ARAP2: variants seen among roughly 807,000 people sequenced by gnomAD.
The protein encoded by ARAP2 is ArfGAP with RhoGAP domain, ankyrin repeat and PH domain 2, also known as arf-GAP with Rho-GAP domain, ANK repeat and PH domain-containing protein 2.
In ARAP2, 148 loss-of-function variants were observed where a neutral mutation model predicts 194.5. The observed-to-expected ratio is 0.76, with a 90% CI of 0.67 to 0.87. ARAP2 has a LOEUF of 0.87. Among genes scored for constraint, ARAP2 ranks in the 40% least tolerant of loss-of-function variants. ARAP2 has a pLI of 0.00. For synonymous variants in ARAP2, 695 were observed against 683.5 expected, an observed-to-expected ratio of 1.02 and a Z score of -0.26; for missense variants, 2,128 against 1,989.7, an observed-to-expected ratio of 1.07 and a Z score of -1.32.
At chr4:36,031,666 C>CTTTTTTTTTTTTTTTTTTTTTT (rs67436021) in intron 5 of ARAP2, among the ~76,000 whole-genome samples, 1 of 146,228 alleles carries the variant, frequency 6.8e-6, no homozygotes. Flanking sequence ...GATTTAAAAT[C>CTTTTTTTTTTTTTTTTTTTTTT]TTTTTTTTTT....
intron 6 of ARAP2, among the ~76,000 whole-genome samples, chr4:36,196,668 C>A (rs11096801): frequency 0.9 from 136,590 of 152,076 alleles, 61,464 homozygotes; most frequent in East Asian, 1. Flanking sequence ...GATGAAAGAA[C>A]ATGAAAGAAC....
At chr4:36,054,721 T>C (rs1723215306) in intron 2 of ARAP2, among the ~76,000 whole-genome samples, 1 of 152,132 alleles carries the variant, frequency 6.6e-6, no homozygotes, top group Non-Finnish European at 1.5e-5. Flanking sequence ...ACAAAAAATA[T>C]TACATCATTA....
At chr4:36,124,160 T>C (rs1723330081) in intron 22 of ARAP2, among the ~76,000 whole-genome samples, 1 of 151,872 alleles carries the variant, frequency 6.6e-6, no homozygotes, top group Non-Finnish European at 1.5e-5. Context: ...GAAACATTTC[T>C]AAATTGAGAC....
At chr4:36,089,594 C>T (rs2109376982) in intron 28 of ARAP2, among the ~76,000 whole-genome samples, 2 of 152,174 alleles carry the variant, frequency 1.3e-5, no homozygotes, top group Middle Eastern at 6.8e-3. Context: ...CATTTTTTAA[C>T]ATTGGGTGTT....
chr4:36,039,913 G>T (rs1234701327), intron 5 of ARAP2, among the ~76,000 whole-genome samples: 3 of 151,820 alleles, frequency 2.0e-5, no homozygotes, highest in Admixed American at 2.0e-4. Context: ...AGAGATGAAG[G>T]CCCAGATAAA....
chr4:36,196,973 T>C (rs533630621), intron 6 of ARAP2, among the ~76,000 whole-genome samples: 5 of 151,878 alleles, frequency 3.3e-5, no homozygotes, highest in African/African-American at 9.7e-5. Context: ...TGACTATGCA[T>C]AGATCATTTA....
chr4:36,068,209 A>T lies in ARAP2; in HGVS notation c.4813T>A (p.Leu1605Ile), dbSNP rs778716492. The change falls in exon 33 of 33, where the codon TTA (leucine) becomes ATA (isoleucine). Residue 1605 changes from leucine to isoleucine, a missense_variant. Physicochemically the swap from Leu to Ile is conservative, Grantham distance 5. Coordinates refer to ENST00000303965, the MANE Select transcript of ARAP2 (RefSeq NM_015230.4). ...KCDKESVDSS[L>I]KERASMVAHC... is the part of the protein sequence containing the mutation. ...GCCACCATGGAAGCTCTCTCCTTTA[A>T]GCTAGAGTCCACGGACTCTTTATCA... 1 of 1,612,934 alleles carries T rather than the reference A, an allele frequency of 6.2e-7. No homozygotes were observed. Among genetic ancestry groups the T allele is most frequent in the Non-Finnish European group, 8.5e-7 (1 of 1,179,606 alleles).
intron 5 of ARAP2, among the ~76,000 whole-genome samples, chr4:36,030,755 T>C (rs1718778289): frequency 6.6e-6 from 1 of 151,654 alleles, no homozygotes; most frequent in Non-Finnish European, 1.5e-5. Flanking sequence ...TTACCTTCAA[T>C]TCTTTCTTAT....
intron 27 of ARAP2, among the ~76,000 whole-genome samples, chr4:36,092,257 T>C (rs1183034738): frequency 3.9e-5 from 6 of 152,134 alleles, no homozygotes; most frequent in Non-Finnish European, 8.8e-5. Context: ...GTGGTTAGTA[T>C]AGGTTGAGAG....
At chr4:36,031,319 TGAAA>T in intron 5 of ARAP2, among the ~76,000 whole-genome samples, 1 of 152,282 alleles carries the variant, frequency 6.6e-6, no homozygotes, top group East Asian at 1.9e-4. Context: ...CCATTCCCCA[TGAAA>T]TACATTATGA....
At chr4:36,069,974 T>G (rs771655748) in intron 32 of ARAP2, among the ~76,000 whole-genome samples, 6 of 152,172 alleles carry the variant, frequency 3.9e-5, no homozygotes, top group Non-Finnish European at 8.8e-5. Context: ...ATGTAAGATG[T>G]GCCTGCTTCC....
intron 27 of ARAP2, among the ~76,000 whole-genome samples, 172 bp from the exon 28 acceptor site, chr4:36,092,192 T>A (rs1450205188): frequency 6.6e-6 from 1 of 152,196 alleles, no homozygotes; most frequent in African/African-American, 2.4e-5. Flanking sequence ...CTATTTATCA[T>A]GTATGGGCCT....
chr4:36,149,175 C>T (rs1220580794), intron 16 of ARAP2, among the ~76,000 whole-genome samples: 2 of 152,012 alleles, frequency 1.3e-5, no homozygotes, highest in African/African-American at 4.8e-5. Context: ...AAGTCATCTT[C>T]CTTTCTCCTC....
At chr4:36,124,416 C>T (rs937719690) in intron 22 of ARAP2, among the ~76,000 whole-genome samples, 1 of 151,802 alleles carries the variant, frequency 6.6e-6, no homozygotes, top group Admixed American at 6.6e-5. Context: ...TTCCCAAATG[C>T]AAGGAGACCT....
intron 1 of ARAP2, among the ~76,000 whole-genome samples, chr4:36,239,935 T>C (rs558969109): frequency 1.3e-5 from 2 of 152,158 alleles, no homozygotes; most frequent in African/African-American, 4.8e-5. Flanking sequence ...TTCGTGAGGC[T>C]TCCCTGCCTA....
intron 28 of ARAP2, among the ~76,000 whole-genome samples, chr4:36,089,088 T>C (rs969148139): frequency 1.3e-5 from 2 of 152,052 alleles, no homozygotes; most frequent in Non-Finnish European, 2.9e-5. Flanking sequence ...AACATTTCTA[T>C]CTAGAAAGTA....
At chr4:36,174,970 A>T (rs562252405) in intron 9 of ARAP2, among the ~76,000 whole-genome samples, 3 of 152,312 alleles carry the variant, frequency 2.0e-5, no homozygotes, top group Admixed American at 2.0e-4. Context: ...AATTACTAAA[A>T]CTATGTATAA....
At chr4:36,176,270 G>A (rs1335601666) in intron 9 of ARAP2, among the ~76,000 whole-genome samples, 1 of 152,028 alleles carries the variant, frequency 6.6e-6, no homozygotes, top group Non-Finnish European at 1.5e-5. Context: ...CTATATTTGT[G>A]GTGAAGATTA....
chr4:36,103,927 AGTG>A lies in ARAP2; in HGVS notation c.4285+3635_4285+3637del, dbSNP rs1317288175. ...ATATAACATTCTCGCGTTAAAAGGA[AGTG>A]GTGAAAACATAACGTCAAGCAAAGT... On this transcript the variant is annotated intron_variant, in intron 27 of 32. Coordinates refer to ENST00000303965, the MANE Select transcript of ARAP2 (RefSeq NM_015230.4). 2.0e-5 allele frequency among the ~76,000 whole-genome samples: 3 copies of A among 151,946 alleles called. No individual in the cohort carries two copies. The South Asian group carries it at 6.2e-4, about 31-fold the overall frequency.
Sources: gnomAD v4.1 joint callset for allele counts (sites outside exome capture counted in the v4.1 genomes callset) on GRCh38, gnomAD v4.1.1 for gene constraint, MANE v1.5 for transcripts, NCBI Gene and HGNC (gene_info 2026-07-23, HGNC 2026-07-21) for gene names.